ADAMTS12: variants seen among roughly 807,000 people sequenced by gnomAD.
ADAMTS12 encodes ADAM metallopeptidase with thrombospondin type 1 motif 12.
In ADAMTS12, 118 loss-of-function variants were observed where a neutral mutation model predicts 167.8. That is an observed-to-expected ratio of 0.70 (90% CI 0.61 to 0.82). ADAMTS12 has a LOEUF of 0.82. Ranked by LOEUF, ADAMTS12 falls within the 40% of genes least tolerant of loss-of-function variation. The probability of loss-of-function intolerance (pLI) is 0.00; values close to 1 mark genes in which losing one functional copy is unlikely to be tolerated. For missense variants in ADAMTS12, 1,916 were observed against 1,998.8 expected, an observed-to-expected ratio of 0.96 and a Z score of 0.79; for synonymous variants, 704 against 716.9, an observed-to-expected ratio of 0.98 and a Z score of 0.29.
chr5:33,881,381 G>A lies in ADAMTS12; in HGVS notation c.227C>T (p.Thr76Met), dbSNP rs772100057. The change falls in exon 2 of 24, where the codon ACG becomes ATG. Residue 76 changes from threonine to methionine, a missense_variant. Transcript: ENST00000504830. ...FLSYGLHYPI[T>M]SSRRKRDLDG... is the part of the protein sequence containing the mutation. ...CAAATCTCTCTTCCTCCTGCTGCTC[G>A]TGATGGGATAGTGCAAGCCATATGA... 2.3e-5 allele frequency: 37 copies of A among 1,614,010 alleles called. No individual in the cohort carries two copies. Among genetic ancestry groups the A allele is most frequent in the South Asian group, 1.2e-4 (11 of 91,088 alleles).
At chr5:33,614,884 G>C (rs1738911168) in intron 15 of ADAMTS12, among the ~76,000 whole-genome samples, 1 of 152,158 alleles carries the variant, frequency 6.6e-6, no homozygotes, top group Admixed American at 6.5e-5. Context: ...TAGAACAGTG[G>C]CTCAGCGAAT....
intron 14 of ADAMTS12, among the ~76,000 whole-genome samples, chr5:33,620,788 G>T (rs1327796816): frequency 6.6e-6 from 1 of 151,912 alleles, no homozygotes; most frequent in Non-Finnish European, 1.5e-5. Flanking sequence ...GATGTGTCTA[G>T]GCTACACAGT....
At position 33,675,639 on chromosome 5, in the gene ADAMTS12, A is replaced by G. The variant is rs541553102; in HGVS notation, c.915+7379T>C. On this transcript the variant is annotated intron_variant, in intron 5 of 23. Transcript: ENST00000504830. ...TACTTCGCCCCTGTGTAGAACTTTC[A>G]TCTGCAATATGTGACATTTAACACA... 6.6e-5 allele frequency among the ~76,000 whole-genome samples: 10 copies of G among 152,230 alleles called. No homozygotes were observed. In the East Asian group the frequency reaches 1.5e-3, roughly 24 times the overall value.
At chr5:33,864,522 TAAAGACACATGCAC>T (rs1024607125) in intron 2 of ADAMTS12, among the ~76,000 whole-genome samples, 17 of 152,160 alleles carry the variant, frequency 1.1e-4, no homozygotes, top group African/African-American at 3.9e-4. Context: ...CATTGTACTA[TAAAGACACATGCAC>T]ATGTATGTTT....
At chr5:33,737,891 G>A (rs923163110) in intron 3 of ADAMTS12, among the ~76,000 whole-genome samples, 10 of 152,056 alleles carry the variant, frequency 6.6e-5, no homozygotes, top group East Asian at 1.9e-4. Flanking sequence ...CTACCTTTGC[G>A]CAACATTTTC....
At position 33,740,353 on chromosome 5, in the gene ADAMTS12, G is replaced by A. The variant is rs564375541; in HGVS notation, c.634+11051C>T. Among the ~76,000 whole-genome samples, 12 of 152,176 alleles carry A rather than the reference G, an allele frequency of 7.9e-5. No individual in the cohort carries two copies. The East Asian group carries it at 1.7e-3, about 22-fold the overall frequency. On this transcript the variant is annotated intron_variant, in intron 3 of 23. Transcript: ENST00000504830. ...TTGCAAGTAAAGCAACTCTAATCCC[G>A]GGGCCAGCTACATAATTTGTAGAAT... is the stretch of plus-strand genomic sequence containing the variant.
chr5:33,563,746 C>T (rs1005415962), intron 19 of ADAMTS12, among the ~76,000 whole-genome samples: 1 of 152,216 alleles, frequency 6.6e-6, no homozygotes, highest in Non-Finnish European at 1.5e-5. Flanking sequence ...TACCCATGCA[C>T]ACTGCATAGC....
At chr5:33,713,979 T>C (rs1743504850) in intron 3 of ADAMTS12, among the ~76,000 whole-genome samples, 1 of 152,164 alleles carries the variant, frequency 6.6e-6, no homozygotes, top group Non-Finnish European at 1.5e-5. Flanking sequence ...TAGTCTTGGT[T>C]GGACCCCTGT....
chr5:33,689,308 T>C (rs774669296), intron 3 of ADAMTS12, among the ~76,000 whole-genome samples: 30 of 152,052 alleles, frequency 2.0e-4, no homozygotes, highest in Non-Finnish European at 1.6e-4. Flanking sequence ...TTTTAGCTGG[T>C]TTAGTGTGAA....
At chr5:33,740,179 C>A (rs1415809601) in intron 3 of ADAMTS12, among the ~76,000 whole-genome samples, 3 of 152,058 alleles carry the variant, frequency 2.0e-5, no homozygotes, top group African/African-American at 7.2e-5. Flanking sequence ...TCAACTCTAA[C>A]GTGAAGAACA....
chr5:33,756,185 A>C (rs1263947773), intron 2 of ADAMTS12, among the ~76,000 whole-genome samples: 2 of 152,234 alleles, frequency 1.3e-5, no homozygotes, highest in Non-Finnish European at 2.9e-5. Context: ...AAAAGGACTT[A>C]GTGTTCACAC....
At chr5:33,528,873 C>T (rs1211738843) in intron 23 of ADAMTS12, among the ~76,000 whole-genome samples, 1 of 152,054 alleles carries the variant, frequency 6.6e-6, no homozygotes, top group Non-Finnish European at 1.5e-5. Flanking sequence ...GGTGAAACCC[C>T]GTCTCTACTA....
chr5:33,633,811 C>G (rs1184523080), intron 12 of ADAMTS12, among the ~76,000 whole-genome samples: 1 of 152,140 alleles, frequency 6.6e-6, no homozygotes, highest in African/African-American at 2.4e-5. Context: ...TCCATCATCT[C>G]TACAGAGTTG....
chr5:33,850,021 G>A, intron 2 of ADAMTS12, among the ~76,000 whole-genome samples: 1 of 152,000 alleles, frequency 6.6e-6, no homozygotes, highest in Non-Finnish European at 1.5e-5. Context: ...TGTAGCATGT[G>A]AACTTATTAC....
intron 5 of ADAMTS12, among the ~76,000 whole-genome samples, chr5:33,669,575 G>A (rs929302448): frequency 2.0e-5 from 3 of 152,010 alleles, no homozygotes; most frequent in Non-Finnish European, 2.9e-5. Context: ...TAGTAGATCT[G>A]TTAAACTTTT....
Position 33,549,386 on chromosome 5 carries a change from G to A in ADAMTS12, c.4126-3C>T, listed in dbSNP as rs770131155. ...CCCCCACTGCAGTTTCTGGAGCACTGTATGGAGAGAAAAATCAAAGGCGAT... is the reference window on the plus strand; with the variant it reads ...CCCCCACTGCAGTTTCTGGAGCACTATATGGAGAGAAAAATCAAAGGCGAT... On this transcript the variant is annotated splice_region_variant and splice_polypyrimidine_tract_variant and intron_variant, in intron 20 of 23. Coordinates refer to ENST00000504830, the MANE Select transcript of ADAMTS12 (RefSeq NM_030955.4). 9 of 1,604,480 alleles carry A rather than the reference G, an allele frequency of 5.6e-6. No homozygotes were observed. In the East Asian group the frequency reaches 1.8e-4, roughly 32 times the overall value.
intron 3 of ADAMTS12, among the ~76,000 whole-genome samples, chr5:33,722,393 C>T (rs1303199179): frequency 6.6e-6 from 1 of 152,048 alleles, no homozygotes; most frequent in African/African-American, 2.4e-5. Context: ...AGTGTTTTTA[C>T]GTTATTGATT....
chr5:33,527,988 C>A (rs1743904178), intron 23 of ADAMTS12, among the ~76,000 whole-genome samples: 1 of 150,358 alleles, frequency 6.7e-6, no homozygotes, highest in South Asian at 2.1e-4. Flanking sequence ...GCACAATTCA[C>A]AATTGCAAAG....
intron 16 of ADAMTS12, among the ~76,000 whole-genome samples, chr5:33,598,315 G>A (rs1451657936): frequency 1.3e-5 from 2 of 152,096 alleles, no homozygotes; most frequent in Non-Finnish European, 2.9e-5. Context: ...GGATAGCCAA[G>A]GGCTTCTTTC....
Sources: allele counts gnomAD v4.1 joint callset (sites outside exome capture counted in the v4.1 genomes callset), GRCh38; gene constraint gnomAD v4.1.1; transcripts MANE v1.5; gene names NCBI Gene and HGNC (gene_info 2026-07-23, HGNC 2026-07-21).